The following SPATA16 variants were observed in gnomAD, a reference collection of about 807,000 sequenced individuals.
SPATA16 encodes spermatogenesis-associated protein 16.
In SPATA16, 36 loss-of-function variants were observed where a neutral mutation model predicts 63.3. The observed-to-expected ratio is 0.57, with a 90% CI of 0.44 to 0.75. SPATA16 has a LOEUF of 0.75. SPATA16 is among the 30% of genes least tolerant of loss of function. The pLI is 0.00. For synonymous variants in SPATA16, 203 were observed against 216.7 expected (o/e 0.94, Z 0.56); for missense variants, 646 against 679.3 (o/e 0.95, Z 0.54).
chr3:172,960,584 A>G (rs1733725295), intron 5 of SPATA16, among the ~76,000 whole-genome samples: 2 of 152,228 alleles, frequency 1.3e-5, no homozygotes, highest in African/African-American at 4.8e-5. Context: ...AAGTAAAAAG[A>G]ACCCCTTGCT....
At position 172,925,504 on chromosome 3, in the gene SPATA16, C is replaced by T. The variant is rs1458655220; in HGVS notation, c.1082-12G>A. 1.2e-6 allele frequency: 2 copies of T among 1,613,730 alleles called. No individual in the cohort carries two copies. Among genetic ancestry groups the T allele is most frequent in the East Asian group, 4.5e-5 (2 of 44,870 alleles). Reference sequence around the variant, plus strand: ...GAGTGCTTGAAGATCTGAAATATGACAGAAAGAGAACTAAGAGGCTTTGTT... The same window carrying T: ...GAGTGCTTGAAGATCTGAAATATGATAGAAAGAGAACTAAGAGGCTTTGTT... On this transcript the variant is annotated splice_polypyrimidine_tract_variant and intron_variant, in intron 6 of 10. Coordinates refer to ENST00000351008, the MANE Select transcript of SPATA16 (RefSeq NM_031955.6).
chr3:173,077,460 A>G (rs910316529), intron 2 of SPATA16, among the ~76,000 whole-genome samples: 13 of 152,370 alleles, frequency 8.5e-5, no homozygotes, highest in Admixed American at 7.2e-4. Flanking sequence ...CTAAGTTTCT[A>G]TAGTACATGC....
chr3:172,927,634 G>C (rs1267207415), intron 6 of SPATA16, among the ~76,000 whole-genome samples: 1 of 152,154 alleles, frequency 6.6e-6, no homozygotes, highest in African/African-American at 2.4e-5. Flanking sequence ...GCTTCCAGAG[G>C]TTCCAAAGTT....
chr3:173,043,112 C>G (rs1273920110), intron 3 of SPATA16, among the ~76,000 whole-genome samples: 3 of 151,952 alleles, frequency 2.0e-5, no homozygotes, highest in African/African-American at 7.3e-5. Flanking sequence ...GACTGATGGT[C>G]TCTGCCTTTT....
At chr3:173,136,137 A>C (rs2108351089) in intron 1 of SPATA16, among the ~76,000 whole-genome samples, 1 of 152,282 alleles carries the variant, frequency 6.6e-6, no homozygotes, top group South Asian at 2.1e-4. Flanking sequence ...CAGGAGGGTA[A>C]AACCACACAA....
chr3:173,010,118 G>C (rs1735031777), intron 4 of SPATA16, among the ~76,000 whole-genome samples: 1 of 152,198 alleles, frequency 6.6e-6, no homozygotes, highest in Non-Finnish European at 1.5e-5. Flanking sequence ...CACTCAGCAT[G>C]AATCCGCAGT....
chr3:173,082,492 G>A (rs1197403374), intron 2 of SPATA16, among the ~76,000 whole-genome samples: 1 of 152,184 alleles, frequency 6.6e-6, no homozygotes, highest in Non-Finnish European at 1.5e-5. Context: ...CCCAGACCAA[G>A]CATTTAAACT....
At chr3:172,930,479 A>T (rs1397138337) in intron 6 of SPATA16, among the ~76,000 whole-genome samples, 2 of 150,078 alleles carry the variant, frequency 1.3e-5, no homozygotes, top group African/African-American at 4.9e-5. Flanking sequence ...GTCCTTCCAG[A>T]TGTGTCTAAG....
intron 4 of SPATA16, among the ~76,000 whole-genome samples, chr3:172,987,240 A>G (rs932640686): frequency 4.6e-5 from 7 of 152,204 alleles, no homozygotes; most frequent in African/African-American, 1.4e-4. Flanking sequence ...GTAGAGACTC[A>G]CTGGTAATCA....
intron 2 of SPATA16, among the ~76,000 whole-genome samples, chr3:173,082,673 G>C (rs1324620773): frequency 6.6e-6 from 1 of 152,224 alleles, no homozygotes; most frequent in African/African-American, 2.4e-5. Context: ...GTGGGCTCCA[G>C]ATGGGCATGC....
chr3:172,908,732 A>G lies in SPATA16; in HGVS notation c.1587+4929T>C, dbSNP rs1732296286. Among the ~76,000 whole-genome samples, 3 of 152,224 alleles carry G rather than the reference A, an allele frequency of 2.0e-5. No homozygotes were observed. The South Asian group carries it at 6.2e-4, about 32-fold the overall frequency. On this transcript the variant is annotated intron_variant, in intron 10 of 10. Transcript: ENST00000351008. Reference sequence around the variant, plus strand: ...TCAGATGAAAATTTCAAGTGTTTTCATTAGTTACAACAGCTGTTTCTATTA... The same window carrying G: ...TCAGATGAAAATTTCAAGTGTTTTCGTTAGTTACAACAGCTGTTTCTATTA...
chr3:173,105,749 C>G (rs991209335), intron 2 of SPATA16, among the ~76,000 whole-genome samples: 2 of 151,744 alleles, frequency 1.3e-5, no homozygotes, highest in African/African-American at 4.8e-5. Flanking sequence ...ATTTTCCTTC[C>G]TCCCTCCCTC....
chr3:173,117,099 A>G lies in SPATA16; in HGVS notation c.612+21T>C, dbSNP rs775863986. On this transcript the variant is annotated intron_variant, in intron 2 of 10. Coordinates refer to ENST00000351008, the MANE Select transcript of SPATA16 (RefSeq NM_031955.6). ...TTTCATAGTTTCCTGTCACCAATCT[A>G]TATTTTCTTTAATCCCATACCTCAA... 112 of 1,610,778 alleles carry G rather than the reference A, an allele frequency of 7.0e-5. No homozygotes were observed. The South Asian group carries it at 1.0e-3, about 15-fold the overall frequency.
chr3:172,977,431 G>A lies in SPATA16; in HGVS notation c.849-379C>T, dbSNP rs112093066. On this transcript the variant is annotated intron_variant, in intron 4 of 10. Coordinates refer to ENST00000351008, the MANE Select transcript of SPATA16 (RefSeq NM_031955.6). ...TTTAGCTCTTCAAACCTAGCATAGC[G>A]TATATAGCTAACTATTAGATTGGTA... Among the ~76,000 whole-genome samples the A allele has an allele frequency of 3.6e-3, 554 of 152,184 alleles. 3 individuals carry two copies. The highest frequency in any genetic ancestry group is 0.013 in the African/African-American group (537 of 41,542).
At chr3:172,956,007 T>G (rs1390792458) in intron 6 of SPATA16, among the ~76,000 whole-genome samples, 1 of 152,162 alleles carries the variant, frequency 6.6e-6, no homozygotes, top group Admixed American at 6.5e-5. Flanking sequence ...GGTGTATGCA[T>G]TTAGAGATTT....
At chr3:173,017,467 C>T (rs1279879888) in intron 4 of SPATA16, among the ~76,000 whole-genome samples, 2 of 152,168 alleles carry the variant, frequency 1.3e-5, no homozygotes, top group Non-Finnish European at 2.9e-5. Context: ...TATGTCATTA[C>T]TTTGGCTCCA....
At chr3:173,124,018 T>C in intron 1 of SPATA16, among the ~76,000 whole-genome samples, 1 of 152,192 alleles carries the variant, frequency 6.6e-6, no homozygotes, top group African/African-American at 2.4e-5. Context: ...ATAAAACTTC[T>C]ACATGAATGG....
chr3:173,030,510 A>G (rs1304115696), intron 3 of SPATA16, among the ~76,000 whole-genome samples: 1 of 152,090 alleles, frequency 6.6e-6, no homozygotes, highest in African/African-American at 2.4e-5. Context: ...GGAAATTCAA[A>G]CCAAAACCAC....
chr3:173,081,924 T>A (rs1422825856), intron 2 of SPATA16, among the ~76,000 whole-genome samples: 1 of 152,218 alleles, frequency 6.6e-6, no homozygotes, highest in Non-Finnish European at 1.5e-5. Flanking sequence ...TTAAGTTAAT[T>A]TGAATGCAAC....
Sources: gnomAD v4.1 joint callset for allele counts (sites outside exome capture counted in the v4.1 genomes callset) on GRCh38, gnomAD v4.1.1 for gene constraint, MANE v1.5 for transcripts, NCBI Gene and HGNC (gene_info 2026-07-23, HGNC 2026-07-21) for gene names.